ASIC2: variants seen among roughly 807,000 people sequenced by gnomAD.
ASIC2 encodes the protein acid-sensing ion channel 2.
In ASIC2, 25 loss-of-function variants were observed where a neutral mutation model predicts 57.3. The ratio of observed to expected loss-of-function variants is 0.44; its 90% confidence interval spans 0.32 to 0.61. The LOEUF (loss-of-function observed/expected upper bound fraction) is 0.61. Among genes scored for constraint, ASIC2 ranks in the 20% least tolerant of loss-of-function variants. The pLI is 0.06. For missense variants in ASIC2, 641 were observed against 738.1 expected, an observed-to-expected ratio of 0.87 and a Z score of 1.52; for synonymous variants, 319 against 307.5, an observed-to-expected ratio of 1.04 and a Z score of -0.39.
At chr17:33,520,662 CA>C (rs1307904129) in intron 1 of ASIC2, among the ~76,000 whole-genome samples, 4 of 152,236 alleles carry the variant, frequency 2.6e-5, no homozygotes, top group Non-Finnish European at 4.4e-5. Context: ...TACCCACGGA[CA>C]GGGCCCCTCT....
chr17:33,993,793 T>A (rs138591883), intron 1 of ASIC2, among the ~76,000 whole-genome samples: 196 of 152,330 alleles, frequency 1.3e-3, no homozygotes, highest in Non-Finnish European at 1.8e-3. Flanking sequence ...TTTGGTCAAG[T>A]CACATTCCTC....
intron 1 of ASIC2, among the ~76,000 whole-genome samples, chr17:33,522,165 G>T (rs1466954588): frequency 6.6e-6 from 1 of 152,188 alleles, no homozygotes; most frequent in Non-Finnish European, 1.5e-5. Flanking sequence ...TCCCTACCAG[G>T]CAGCCTTGTG....
intron 1 of ASIC2, among the ~76,000 whole-genome samples, chr17:33,890,615 GTCC>G (rs1161565259): frequency 1.3e-5 from 2 of 152,176 alleles, no homozygotes; most frequent in Non-Finnish European, 2.9e-5. Flanking sequence ...CTGCTTCAGA[GTCC>G]AGGTCTGAAC....
chr17:33,608,898 A>G (rs1905304115), intron 1 of ASIC2, among the ~76,000 whole-genome samples: 1 of 152,274 alleles, frequency 6.6e-6, no homozygotes, highest in Admixed American at 6.5e-5. Context: ...CTTTAGCCCA[A>G]AGACCTAGGA....
intron 1 of ASIC2, among the ~76,000 whole-genome samples, chr17:33,717,449 C>T (rs955988821): frequency 6.6e-6 from 1 of 152,102 alleles, no homozygotes; most frequent in African/African-American, 2.4e-5. Context: ...TGTGGAGGTG[C>T]CTGTCTGGGC....
chr17:33,819,965 C>T (rs896216107), intron 1 of ASIC2, among the ~76,000 whole-genome samples: 1 of 152,130 alleles, frequency 6.6e-6, no homozygotes, highest in African/African-American at 2.4e-5. Context: ...TCTCCTGCCT[C>T]TGAATTCCCT....
At chr17:34,127,107 G>T (rs1911807049) in intron 1 of ASIC2, among the ~76,000 whole-genome samples, 1 of 152,218 alleles carries the variant, frequency 6.6e-6, no homozygotes, top group Non-Finnish European at 1.5e-5. Context: ...ACAGCTGCAG[G>T]TAACAGTCAC....
intron 1 of ASIC2, among the ~76,000 whole-genome samples, chr17:33,674,511 G>A (rs115904685): frequency 0.011 from 1,653 of 152,286 alleles, 12 homozygotes; most frequent in Middle Eastern, 0.02. Context: ...ACTATTCTTA[G>A]CACTTGCTCT....
intron 1 of ASIC2, among the ~76,000 whole-genome samples, chr17:33,159,437 G>A (rs1010017697): frequency 1.1e-4 from 16 of 152,080 alleles, no homozygotes; most frequent in African/African-American, 3.9e-4. Context: ...CAAAGAGGAT[G>A]GGAGACACTG....
intron 1 of ASIC2, among the ~76,000 whole-genome samples, chr17:33,494,198 A>G (rs1029969040): frequency 6.6e-6 from 1 of 152,228 alleles, no homozygotes; most frequent in Non-Finnish European, 1.5e-5. Flanking sequence ...AGCCAACAGC[A>G]TCAGAGGCCT....
At chr17:33,211,779 C>T (rs530173301) in intron 1 of ASIC2, among the ~76,000 whole-genome samples, 1 of 152,274 alleles carries the variant, frequency 6.6e-6, no homozygotes, top group South Asian at 2.1e-4. Flanking sequence ...ACAATTGGCT[C>T]TTGCATCCCG....
chr17:33,357,150 C>T (rs1908417031), intron 1 of ASIC2, among the ~76,000 whole-genome samples: 2 of 152,010 alleles, frequency 1.3e-5, no homozygotes, highest in African/African-American at 4.8e-5. Flanking sequence ...AGAACGGGGC[C>T]CTCTGGAGTA....
At chr17:34,113,597 G>A (rs1223568421) in intron 1 of ASIC2, among the ~76,000 whole-genome samples, 1 of 151,404 alleles carries the variant, frequency 6.6e-6, no homozygotes, top group Non-Finnish European at 1.5e-5. Context: ...TGAAAATTAA[G>A]CCAGGCGTGG....
chr17:33,380,180 A>T (rs2141945277), intron 1 of ASIC2, among the ~76,000 whole-genome samples: 1 of 143,844 alleles, frequency 7.0e-6, no homozygotes, highest in South Asian at 2.4e-4. Flanking sequence ...AGGGAGGCAG[A>T]AGTTGCAGTT....
chr17:33,287,576 C>T (rs1905247760), intron 1 of ASIC2, among the ~76,000 whole-genome samples: 1 of 152,232 alleles, frequency 6.6e-6, no homozygotes, highest in East Asian at 1.9e-4. Context: ...AGAAGCCAAG[C>T]TGCTTTATCT....
In ASIC2 at chr17:34,156,386, G is replaced by T. The variant is rs778759008; in HGVS notation, c.147C>A (p.Phe49Leu). Reference sequence around the variant, plus strand: ...CCAGCAGCAGGCCCAGAGAGCCCACGAAGGCCACTGCCCACAGCACACGCC... The same window carrying T: ...CCAGCAGCAGGCCCAGAGAGCCCACTAAGGCCACTGCCCACAGCACACGCC... Residue 49 changes from phenylalanine to leucine, a missense_variant, in exon 1 of 10, where the codon TTC (phenylalanine) becomes TTA (leucine). By Grantham distance (22) the Phe-to-Leu change is conservative. Transcript: ENST00000359872. This position sits in a 1 kb window ranked among gnomAD's most constrained non-coding sequence, Gnocchi z 4.4. 1.2e-6 allele frequency: 2 copies of T among 1,614,214 alleles called. No homozygotes were observed. The highest frequency in any genetic ancestry group is 2.2e-5 in the East Asian group (1 of 44,860).
At chr17:34,025,865 A>G (rs1341961219) in intron 1 of ASIC2, among the ~76,000 whole-genome samples, 2 of 152,228 alleles carry the variant, frequency 1.3e-5, no homozygotes, top group Non-Finnish European at 2.9e-5. Context: ...AGGGCTTCTG[A>G]GAGTATAAAA....
intron 1 of ASIC2, among the ~76,000 whole-genome samples, chr17:34,131,852 G>A (rs945452755): frequency 6.6e-6 from 1 of 152,310 alleles, no homozygotes; most frequent in Middle Eastern, 3.4e-3. Flanking sequence ...ATCCCAGCGT[G>A]TGAAAGCCTG....
At chr17:33,190,096 T>C (rs1906354306) in intron 1 of ASIC2, among the ~76,000 whole-genome samples, 1 of 152,138 alleles carries the variant, frequency 6.6e-6, no homozygotes, top group African/African-American at 2.4e-5. Flanking sequence ...GAAGTAAAAC[T>C]GACTTTTTTC....
Sources: gnomAD v4.1 joint callset for allele counts (sites outside exome capture counted in the v4.1 genomes callset) on GRCh38, gnomAD v4.1.1 for gene constraint, Gnocchi (gnomAD v3.1) non-coding constraint, MANE v1.5 for transcripts, NCBI Gene and HGNC (gene_info 2026-07-23, HGNC 2026-07-21) for gene names.